UNC13C: variants seen among roughly 807,000 people sequenced by gnomAD.
UNC13C encodes protein unc-13 homolog C.
A neutral mutation model predicts 245.4 loss-of-function variants in UNC13C; 174 were observed. The ratio of observed to expected loss-of-function variants is 0.71; its 90% CI spans 0.63 to 0.80. The LOEUF (loss-of-function observed/expected upper bound fraction) is 0.80, where lower values mean the gene tolerates loss of function less well. UNC13C is among the 30% of genes least tolerant of loss of function. UNC13C has a pLI of 0.00. For synonymous variants in UNC13C, 992 were observed against 895.1 expected (o/e 1.11, Z -1.93); for missense variants, 2,829 against 2,602.9 (o/e 1.09, Z -1.89).
chr15:54,176,139 G>C (rs2033605338), intron 4 of UNC13C, among the ~76,000 whole-genome samples: 1 of 151,938 alleles, frequency 6.6e-6, no homozygotes, highest in African/African-American at 2.4e-5. Flanking sequence ...AAAAGAATCT[G>C]GAAGCACAGT....
At chr15:53,967,327 T>TTG in the UNC13C span, among the ~76,000 whole-genome samples, 1 of 124,150 alleles carries the variant, frequency 8.1e-6, no homozygotes, top group African/African-American at 2.7e-5. Flanking sequence ...ACAATTTTTT[T>TTG]TTTGTTGTTT....
intron 17 of UNC13C, among the ~76,000 whole-genome samples, chr15:54,365,206 C>T (rs1297045927): frequency 6.6e-6 from 1 of 152,108 alleles, no homozygotes; most frequent in Non-Finnish European, 1.5e-5. Context: ...AGGCTCCCCA[C>T]TGAGATCATT....
At chr15:54,491,357 G>GA (rs1893695259) in intron 19 of UNC13C, among the ~76,000 whole-genome samples, 24 of 149,668 alleles carry the variant, frequency 1.6e-4, no homozygotes, top group Admixed American at 2.0e-4. Flanking sequence ...TCCTACCAAA[G>GA]GAAAAAAAAA....
At chr15:54,140,410 G>C (rs185072498) in intron 2 of UNC13C, among the ~76,000 whole-genome samples, 47 of 152,224 alleles carry the variant, frequency 3.1e-4, no homozygotes, top group Non-Finnish European at 5.3e-4. Flanking sequence ...AAAAAACAGA[G>C]AGAGAGATTA....
chr15:54,088,236 A>G (rs1288088051), intron 2 of UNC13C, among the ~76,000 whole-genome samples: 1 of 114,986 alleles, frequency 8.7e-6, no homozygotes, highest in Non-Finnish European at 1.7e-5. Flanking sequence ...TTACCCCCTC[A>G]TCCAATCAGC....
chr15:54,426,888 A>G (rs1445219253), intron 19 of UNC13C, among the ~76,000 whole-genome samples: 62 of 151,796 alleles, frequency 4.1e-4, no homozygotes, highest in Admixed American at 1.3e-4. Flanking sequence ...TTCCTGGTAC[A>G]TAGTAGTAAG....
chr15:54,051,026 A>C (rs1000412445), intron 2 of UNC13C: 1 of 386,690 alleles, frequency 2.6e-6, no homozygotes, highest in Admixed American at 3.6e-5. Flanking sequence ...CTTGACTATT[A>C]GTCTTTTAAC....
chr15:54,329,423 T>C (rs1329793708), intron 14 of UNC13C, among the ~76,000 whole-genome samples: 1 of 151,956 alleles, frequency 6.6e-6, no homozygotes, highest in Non-Finnish European at 1.5e-5. Flanking sequence ...TTTATTATTA[T>C]TTTTATTATT....
intron 4 of UNC13C, among the ~76,000 whole-genome samples, chr15:54,197,241 C>T (rs907024990): frequency 1.3e-5 from 2 of 152,102 alleles, no homozygotes; most frequent in African/African-American, 2.4e-5. Flanking sequence ...CTTTGGGAAG[C>T]CAAGGCAGGA....
chr15:54,599,032 A>G (rs1899253092), intron 30 of UNC13C, among the ~76,000 whole-genome samples: 1 of 152,154 alleles, frequency 6.6e-6, no homozygotes, highest in East Asian at 1.9e-4. Context: ...TCCCTACTTA[A>G]TTTCTCATAA....
At chr15:54,167,241 G>A (rs1178285213) in intron 4 of UNC13C, among the ~76,000 whole-genome samples, 2 of 152,120 alleles carry the variant, frequency 1.3e-5, no homozygotes, top group African/African-American at 4.8e-5. Context: ...GATGGCTCAT[G>A]CCTGTAATCC....
chr15:54,624,480 G>T (rs1490008137), intron 32 of UNC13C, among the ~76,000 whole-genome samples: 1 of 152,182 alleles, frequency 6.6e-6, no homozygotes, highest in South Asian at 2.1e-4. Context: ...AGATAAAGGA[G>T]TGAGATCCAA....
chr15:53,976,453 TTCTTTC>T (rs1370391493), upstream of UNC13C, among the ~76,000 whole-genome samples: 1 of 128,264 alleles, frequency 7.8e-6, no homozygotes, highest in African/African-American at 2.6e-5. Context: ...TTTTTTTTTC[TTCTTTC>T]TCTCTCTCTC....
chr15:53,905,280 T>C, the UNC13C span, among the ~76,000 whole-genome samples: 4 of 152,066 alleles, frequency 2.6e-5, no homozygotes, highest in Admixed American at 6.6e-5. Flanking sequence ...TTATTCACAA[T>C]AGCCAAGATA....
intron 2 of UNC13C, chr15:54,048,460 G>A (rs1897134789): frequency 3.3e-6 from 2 of 606,570 alleles, no homozygotes; most frequent in South Asian, 1.4e-5. Flanking sequence ...GCTTGATAAT[G>A]AGGCCAGCCT....
chr15:54,269,596 A>T (rs1461723689), intron 10 of UNC13C, among the ~76,000 whole-genome samples: 3 of 152,170 alleles, frequency 2.0e-5, no homozygotes, highest in Non-Finnish European at 4.4e-5. Flanking sequence ...AAAACTACCT[A>T]GGACCACCCA....
intron 30 of UNC13C, among the ~76,000 whole-genome samples, chr15:54,613,505 A>G (rs1900236542): frequency 6.6e-6 from 1 of 151,962 alleles, no homozygotes; most frequent in Non-Finnish European, 1.5e-5. Flanking sequence ...AAAACTGTAC[A>G]ATGATACTCA....
intron 19 of UNC13C, among the ~76,000 whole-genome samples, chr15:54,446,803 C>G (rs1890841222): frequency 6.6e-6 from 1 of 152,062 alleles, no homozygotes; most frequent in Non-Finnish European, 1.5e-5. Flanking sequence ...GCCTGATTGC[C>G]CTGGCCAGAA....
At chr15:54,281,772 C>CAGAAGACAGATAATTAAACAG (rs1463352389) in intron 10 of UNC13C, among the ~76,000 whole-genome samples, 1 of 152,144 alleles carries the variant, frequency 6.6e-6, no homozygotes, top group Non-Finnish European at 1.5e-5. Flanking sequence ...TTATTATTAT[C>CAGAAGACAGATAATTAAACAG]ACCATTAAAC....
Sources: gnomAD v4.1 joint callset for allele counts (sites outside exome capture counted in the v4.1 genomes callset) on GRCh38, gnomAD v4.1.1 for gene constraint, MANE v1.5 for transcripts, NCBI Gene and HGNC (gene_info 2026-07-23, HGNC 2026-07-21) for gene names.